The following MME variants were observed in gnomAD, a reference collection of about 807,000 sequenced individuals.
MME encodes the protein neprilysin.
A neutral mutation model predicts 113.2 loss-of-function variants in MME; 98 were observed. The observed-to-expected ratio is 0.87, with a 90% CI of 0.74 to 1.02. The LOEUF (loss-of-function observed/expected upper bound fraction) is 1.02. MME is among the 50% of genes least tolerant of loss of function. The pLI is 0.00. For missense variants in MME, 836 were observed against 896.0 expected (o/e 0.93, Z 0.86); for synonymous variants, 292 against 300.6 (o/e 0.97, Z 0.30).
rs1287849578 is a variant in MME at position 155,144,463 on chromosome 3, G to A, written c.1416+6G>A. 1 of 1,581,316 alleles carries A rather than the reference G, an allele frequency of 6.3e-7. No homozygotes were observed. The highest frequency in any genetic ancestry group is 1.7e-5 in the Admixed American group (1 of 59,870). The stretch of plus-strand genomic sequence containing the variant: ...AAAAGAGAGCTGAAGAAAAGGTAAA[G>A]AGCAGACAGCTAACTAGCAAAGAAA... On this transcript the variant is annotated splice_donor_region_variant and intron_variant, in intron 14 of 22. Coordinates refer to ENST00000360490, the MANE Select transcript of MME (RefSeq NM_007289.4).
intron 17 of MME, 132 bp downstream of exon 17, chr3:155,160,580 C>A (rs1722645849): frequency 1.5e-6 from 1 of 663,612 alleles, no homozygotes; most frequent in Non-Finnish European, 2.7e-6. Context: ...GAATGCATTT[C>A]TTGAAAGTAA....
At chr3:155,116,196 T>TAA (rs11296151) in intron 4 of MME, among the ~76,000 whole-genome samples, 61 of 145,324 alleles carry the variant, frequency 4.2e-4, no homozygotes, top group African/African-American at 1.4e-3. Flanking sequence ...TCACTGTTCA[T>TAA]AAAAAAAAAA....
chr3:155,147,261 C>T (rs772369390), intron 15 of MME, 37 bp downstream of exon 15: 2 of 1,277,534 alleles, frequency 1.6e-6, no homozygotes, highest in Non-Finnish European at 2.3e-6. Flanking sequence ...ACTACTGATA[C>T]TTAGGGCTGG....
intron 3 of MME, among the ~76,000 whole-genome samples, chr3:155,096,843 T>G (rs1330590337): frequency 6.6e-6 from 1 of 152,130 alleles, no homozygotes; most frequent in Non-Finnish European, 1.5e-5. Context: ...CTCAGCCTCC[T>G]GAGTAGCTGG....
At chr3:155,028,284 T>G (rs1400938515) in intron 1 of MME, among the ~76,000 whole-genome samples, 1 of 152,212 alleles carries the variant, frequency 6.6e-6, no homozygotes, top group African/African-American at 2.4e-5. Context: ...AATGGATTAA[T>G]GTGGCACAAC....
intron 9 of MME, among the ~76,000 whole-genome samples, chr3:155,138,676 C>T (rs1441592519): frequency 6.6e-6 from 1 of 152,108 alleles, no homozygotes; most frequent in Non-Finnish European, 1.5e-5. Context: ...TGAACATAGC[C>T]ATGTGGCAAT....
chr3:155,110,442 C>T (rs1718100000), intron 3 of MME, among the ~76,000 whole-genome samples: 1 of 152,242 alleles, frequency 6.6e-6, no homozygotes, highest in African/African-American at 2.4e-5. Context: ...TCCATACACA[C>T]ACAATAGACT....
chr3:155,069,687 TTAAA>T (rs1388632317), intron 1 of MME, among the ~76,000 whole-genome samples: 3 of 152,174 alleles, frequency 2.0e-5, no homozygotes, highest in Non-Finnish European at 4.4e-5. Context: ...TAACACCTAC[TTAAA>T]TAGTGACTGG....
intron 3 of MME, among the ~76,000 whole-genome samples, chr3:155,108,771 C>T (rs548534255): frequency 1.3e-5 from 2 of 152,206 alleles, no homozygotes; most frequent in South Asian, 4.1e-4. Context: ...AACCCTCCCC[C>T]CTCCACCAGA....
chr3:155,137,642 G>A (rs1270629253), intron 8 of MME, among the ~76,000 whole-genome samples: 18 of 152,098 alleles, frequency 1.2e-4, no homozygotes, highest in Admixed American at 1.2e-3. Context: ...AGAGATGTAG[G>A]TTGCAGTGAG....
At chr3:155,059,435 A>G (rs971594048) in intron 1 of MME, among the ~76,000 whole-genome samples, 3 of 152,106 alleles carry the variant, frequency 2.0e-5, no homozygotes, top group African/African-American at 2.4e-5. Flanking sequence ...TTATTCCACA[A>G]ATACTTACGA....
At chr3:155,093,567 C>T (rs1224843013) in intron 3 of MME, among the ~76,000 whole-genome samples, 1 of 152,076 alleles carries the variant, frequency 6.6e-6, no homozygotes, top group Non-Finnish European at 1.5e-5. Context: ...GATAGAAAGT[C>T]AAGAGCCAGG....
At chr3:155,061,224 G>T (rs537253368) in intron 1 of MME, among the ~76,000 whole-genome samples, 6 of 152,220 alleles carry the variant, frequency 3.9e-5, no homozygotes, top group African/African-American at 1.2e-4. Flanking sequence ...AGGCCGAGGT[G>T]GGCAGATCAC....
At chr3:155,080,064 G>C (rs1051717445), upstream of MME, 2 of 152,984 alleles carry the variant, frequency 1.3e-5, no homozygotes, top group Non-Finnish European at 2.9e-5. Context: ...CCAGGGCGCT[G>C]GGAGCCCGTG....
At chr3:155,159,752 T>C (rs1190801382) in intron 16 of MME, among the ~76,000 whole-genome samples, 1 of 152,026 alleles carries the variant, frequency 6.6e-6, no homozygotes, top group Non-Finnish European at 1.5e-5. Flanking sequence ...TTAGACATGG[T>C]ATAGACAGAC....
chr3:155,063,793 G>A (rs1000513161), intron 1 of MME, among the ~76,000 whole-genome samples: 1 of 147,976 alleles, frequency 6.8e-6, no homozygotes, highest in African/African-American at 2.5e-5. Flanking sequence ...CTGCATATAG[G>A]GGAAGAAAGG....
In MME at chr3:155,155,229, GA is replaced by G. The variant is rs573824024; in HGVS notation, c.1602-5158del. ...AAGGAAGCCGAATAATTTAAAGGCT[GA>G]AATTTTAGGTAGTTCTTTTTTAAAA... On this transcript the variant is annotated intron_variant, in intron 16 of 22. Coordinates refer to ENST00000360490, the MANE Select transcript of MME (RefSeq NM_007289.4). 7.2e-5 allele frequency among the ~76,000 whole-genome samples: 11 copies of G among 152,250 alleles called. No individual in the cohort carries two copies. In the South Asian group the frequency reaches 1.7e-3, roughly 23 times the overall value.
intron 16 of MME, among the ~76,000 whole-genome samples, chr3:155,156,759 G>A (rs768989846): frequency 1.3e-5 from 2 of 152,100 alleles, no homozygotes; most frequent in African/African-American, 2.4e-5. Flanking sequence ...AAAATCTATC[G>A]TATTGCACTG....
At chr3:155,083,435 T>A (rs1559905494) in intron 1 of MME, 1 of 152,360 alleles carries the variant, frequency 6.6e-6, no homozygotes, top group Non-Finnish European at 1.5e-5. Flanking sequence ...CTTTTTGTAC[T>A]ATTTTGTTTA....
Sources: allele counts gnomAD v4.1 joint callset (sites outside exome capture counted in the v4.1 genomes callset), GRCh38; gene constraint gnomAD v4.1.1; transcripts MANE v1.5; gene names NCBI Gene and HGNC (gene_info 2026-07-23, HGNC 2026-07-21).